POGLUT2: variants seen among roughly 807,000 people sequenced by gnomAD.
POGLUT2 encodes the protein ER protein 58.
A neutral mutation model predicts 57.6 loss-of-function variants in POGLUT2; 47 were observed. That is an observed-to-expected ratio of 0.82 (90% CI 0.65 to 1.04). The LOEUF (loss-of-function observed/expected upper bound fraction) is 1.04, where lower values mean the gene tolerates loss of function less well. Among genes scored for constraint, POGLUT2 ranks in the 50% least tolerant of loss-of-function variants. POGLUT2 has a pLI of 0.00. For missense variants in POGLUT2, 565 were observed against 614.8 expected, an observed-to-expected ratio of 0.92 and a Z score of 0.86; for synonymous variants, 200 against 218.8, an observed-to-expected ratio of 0.91 and a Z score of 0.76.
rs1877847171 is a variant in POGLUT2, at chr13:102,784,281, TC to T, written c.*213del. ...ACGGCTAATAATTAGCACAACGTAG[TC>T]CTTTAAAATAAAGGTGGTTTTATTA... is the stretch of plus-strand genomic sequence containing the variant. On this transcript the variant is annotated 3_prime_UTR_variant, in exon 10 of 10. Coordinates refer to ENST00000376004, the MANE Select transcript of POGLUT2 (RefSeq NM_024089.3). The T allele has an allele frequency of 9.1e-6, 4 of 441,502 alleles. No individual in the cohort carries two copies. In the South Asian group the frequency reaches 1.0e-4, roughly 11 times the overall value. The allele number at this position is 441,502 out of a possible 1,614,324, so 27.3% of individuals were successfully genotyped here. A position where few individuals can be genotyped will look rare whatever the true frequency, so the allele number is the denominator to read the frequency against.
At chr13:102,796,308 A>AAAAAT (rs1555319533) in intron 2 of POGLUT2, among the ~76,000 whole-genome samples, 1 of 132,028 alleles carries the variant, frequency 7.6e-6, no homozygotes, top group Non-Finnish European at 1.6e-5. Context: ...AAAAAAAAAA[A>AAAAAT]AAAATAAATA....
chr13:102,795,435 T>C (rs189416288), intron 2 of POGLUT2, among the ~76,000 whole-genome samples: 1 of 151,920 alleles, frequency 6.6e-6, no homozygotes, highest in Non-Finnish European at 1.5e-5. Flanking sequence ...TGGTGGTGAG[T>C]GCCTGTAGTC....
chr13:102,785,951 G>A (rs911284544), intron 9 of POGLUT2, among the ~76,000 whole-genome samples: 5 of 152,346 alleles, frequency 3.3e-5, no homozygotes, highest in Non-Finnish European at 7.3e-5. Flanking sequence ...CAGACTGTAA[G>A]CATCCATTCA....
chr13:102,793,708 C>A lies in POGLUT2; in HGVS notation c.487G>T (p.Asp163Tyr). ...TCCACAGCAGGGAAATGTGCCAGAT[C>A]TCTCTGAATCTGAGCAATGGTTTCA... ...CPETIAQIQR[D>Y]LAHFPAVDPE... is the part of the protein sequence containing the mutation. The change falls in exon 3 of 10, where the codon GAT (aspartate) becomes TAT (tyrosine). Residue 163 changes from aspartate to tyrosine, a missense_variant. Coordinates refer to ENST00000376004, the MANE Select transcript of POGLUT2 (RefSeq NM_024089.3). 4 of 1,614,086 alleles carry A rather than the reference C, an allele frequency of 2.5e-6. No homozygotes were observed. In the Middle Eastern group the frequency reaches 4.9e-4, roughly 200 times the overall value.
chr13:102,792,374 T>A (rs927041515), intron 4 of POGLUT2, among the ~76,000 whole-genome samples: 1 of 152,216 alleles, frequency 6.6e-6, no homozygotes, highest in Non-Finnish European at 1.5e-5. Context: ...TCCCAAGGAA[T>A]GGGATTCAGT....
intron 6 of POGLUT2, among the ~76,000 whole-genome samples, chr13:102,789,505 G>A (rs1339642059): frequency 1.3e-5 from 2 of 152,200 alleles, no homozygotes; most frequent in Non-Finnish European, 2.9e-5. Flanking sequence ...AGGAAGGATG[G>A]ATTCATTTGT....
Position 102,798,739 on chromosome 13 carries a change from G to A in POGLUT2, c.-69C>T, listed in dbSNP as rs1243743114. ...GTGTAAGAGGTGGACAGAAGCAGCC[G>A]AGCCTTCGGCAGGGACCCGCCGGCC... On this transcript the variant is annotated 5_prime_UTR_variant, in exon 1 of 10. Transcript: ENST00000376004. 1 of 1,427,354 alleles carries A rather than the reference G, an allele frequency of 7.0e-7. No individual in the cohort carries two copies. Among genetic ancestry groups the A allele is most frequent in the Non-Finnish European group, 9.3e-7 (1 of 1,078,878 alleles). The allele number at this position is 1,427,354 out of a possible 1,614,324, so 88.4% of individuals were successfully genotyped here.
Position 102,786,324 on chromosome 13 carries a change from G to C in POGLUT2, c.1399C>G (p.Gln467Glu). Reference sequence around the variant, plus strand: ...TCTCGGATTTGGGGCTCACTCACTTGTAAATTGGCATATTCCTGTTTAAGC... The same window carrying C: ...TCTCGGATTTGGGGCTCACTCACTTCTAAATTGGCATATTCCTGTTTAAGC... ...FKLFQEYANL[Q>E]VSEPQIREGM... Residue 467 changes from glutamine to glutamate, a missense_variant, in exon 9 of 10, where the codon CAA becomes GAA. Gln to Glu is a conservative substitution (Grantham distance 29, BLOSUM62 2). Coordinates refer to ENST00000376004, the MANE Select transcript of POGLUT2 (RefSeq NM_024089.3). 1 of 1,612,100 alleles carries C rather than the reference G, an allele frequency of 6.2e-7. No individual in the cohort carries two copies. Among genetic ancestry groups the C allele is most frequent in the Non-Finnish European group, 8.5e-7 (1 of 1,178,188 alleles).
rs777785246 is a variant in POGLUT2 at position 102,787,830 on chromosome 13, T to A, written c.1383+4A>T. ...ACGTGATGATTTTCTTGGAAAATAC[T>A]GACCTGGAAAAGTTTGAAATAATAA... On this transcript the variant is annotated splice_donor_region_variant and intron_variant, in intron 8 of 9. Transcript: ENST00000376004. The A allele has an allele frequency of 2.0e-6, 3 of 1,514,456 alleles. No homozygotes were observed. In the South Asian group the frequency reaches 3.7e-5, roughly 19 times the overall value. 93.8% of individuals were successfully genotyped at this position (1,514,456 alleles called of 1,614,324 possible).
In POGLUT2 at chr13:102,788,508, C is replaced by T. The variant is rs145064823; in HGVS notation, c.1293+504G>A. ...TGTTGTTTGTTGTTGTTGTTTGAGA[C>T]GGAGTTTTGCTCTTGTTGCCCAGGC... On this transcript the variant is annotated intron_variant, in intron 7 of 9. Coordinates refer to ENST00000376004, the MANE Select transcript of POGLUT2 (RefSeq NM_024089.3). Among the ~76,000 whole-genome samples, 78 of 152,238 alleles carry T rather than the reference C, an allele frequency of 5.1e-4. 1 individual carries two copies. Among genetic ancestry groups the T allele is most frequent in the African/African-American group, 1.8e-3 (75 of 41,554 alleles).
Position 102,798,615 on chromosome 13 carries a change from G to T in POGLUT2, c.56C>A (p.Ala19Asp). ...CFFLATVPAL[A>D]ETGGERQLSP... is the part of the protein sequence containing the mutation. ...CAGCTGCCTTTCTCCGCCGGTCTCG[G>T]CGAGTGCTGGAACTGTCGCCAGAAA... Residue 19 changes from alanine (A) to aspartate (D), a missense_variant, in exon 1 of 10, where the codon GCC (alanine) becomes GAC (aspartate). Ala to Asp is a moderately radical substitution (Grantham distance 126, BLOSUM62 -2). Transcript: ENST00000376004. 9.9e-6 allele frequency: 16 copies of T among 1,613,280 alleles called. No homozygotes were observed. The highest frequency in any genetic ancestry group is 1.4e-5 in the Non-Finnish European group (16 of 1,179,538).
At chr13:102,787,139 C>T (rs987906136) in intron 8 of POGLUT2, among the ~76,000 whole-genome samples, 4 of 151,992 alleles carry the variant, frequency 2.6e-5, no homozygotes, top group African/African-American at 4.8e-5. Context: ...TTCCACCTCC[C>T]GGGTTCAAGT....
intron 1 of POGLUT2, 134 bp downstream of exon 1, chr13:102,798,355 G>T: frequency 1.4e-6 from 1 of 728,598 alleles, no homozygotes. Flanking sequence ...TACAGCTACA[G>T]AGAAAAATGG....
At chr13:102,787,769 A>G (rs1878008232) in intron 8 of POGLUT2, 65 bp downstream of exon 8, 1 of 832,436 alleles carries the variant, frequency 1.2e-6, no homozygotes, top group East Asian at 2.6e-5. Context: ...TGTTAAGTAA[A>G]ATATTATTTG....
Position 102,793,614 on chromosome 13 carries a change from A to C in POGLUT2, c.581T>G (p.Leu194Ter). The C allele has an allele frequency of 4.3e-6, 7 of 1,613,326 alleles. No homozygotes were observed. The highest frequency in any genetic ancestry group is 5.9e-6 in the Non-Finnish European group (7 of 1,179,368). The change falls in exon 3 of 10, where the codon TTA (leucine) becomes TGA (stop). Residue 194 changes from leucine to a stop codon, truncating the protein, a stop_gained. Coordinates refer to ENST00000376004, the MANE Select transcript of POGLUT2 (RefSeq NM_024089.3). LOFTEE classifies it high-confidence loss of function. ...CATGTGTTGTACCTTGTTATCCTTT[A>C]AGGTGTAGTGACATAGGCTCTGCCT... ...GQRQSLCHYT[L>*]KDNKVYIKTH...
intron 8 of POGLUT2, among the ~76,000 whole-genome samples, 157 bp downstream of exon 8, chr13:102,787,677 T>G (rs1358530185): frequency 2.0e-5 from 3 of 152,250 alleles, no homozygotes; most frequent in African/African-American, 7.2e-5. Context: ...TCAACTATTT[T>G]TTTATGATTA....
In POGLUT2 at chr13:102,784,454, T is replaced by A. The variant is rs377125571; in HGVS notation, c.*41A>T. 3 of 1,296,452 alleles carry A rather than the reference T, an allele frequency of 2.3e-6. No individual in the cohort carries two copies. Among genetic ancestry groups the A allele is most frequent in the Middle Eastern group, 3.9e-4 (2 of 5,088 alleles). The allele number at this position is 1,296,452 out of a possible 1,614,324, so 80.3% of individuals were successfully genotyped here. A position where few individuals can be genotyped will look rare whatever the true frequency, so the allele number is the denominator to read the frequency against. ...AATTCTTCTTTTTAGTTAAGAAGAG[T>A]CTTCAGAGCACCATTATTCTAATAG... On this transcript the variant is annotated 3_prime_UTR_variant, in exon 10 of 10. Coordinates refer to ENST00000376004, the MANE Select transcript of POGLUT2 (RefSeq NM_024089.3).
At chr13:102,795,300 C>T (rs1027717144) in intron 2 of POGLUT2, among the ~76,000 whole-genome samples, 11 of 148,420 alleles carry the variant, frequency 7.4e-5, no homozygotes, top group African/African-American at 1.5e-4. Flanking sequence ...CAGTGGCTCA[C>T]GCCTGTAATC....
Position 102,791,130 on chromosome 13 carries a change from A to C in POGLUT2, c.854T>G (p.Leu285Arg), listed in dbSNP as rs1163117695. 5.0e-6 allele frequency: 8 copies of C among 1,613,976 alleles called. No individual in the cohort carries two copies. The highest frequency in any genetic ancestry group is 1.1e-5 in the South Asian group (1 of 91,086). ...GTTAGCTTGCACGGACATCATATCCAGACTTACCCTAGAAGACAAAGTGCA... is the reference window on the plus strand; with the variant it reads ...GTTAGCTTGCACGGACATCATATCCCGACTTACCCTAGAAGACAAAGTGCA... ...SVLETMGRVSLDMMSVQANTG... is the reference protein window; with the variant it reads ...SVLETMGRVSRDMMSVQANTG... Residue 285 changes from leucine to arginine, a missense_variant, in exon 6 of 10, where the codon CTG (leucine) becomes CGG (arginine). Leu to Arg is a moderately radical substitution (Grantham distance 102). Transcript: ENST00000376004.
Sources: gnomAD v4.1 joint callset for allele counts (sites outside exome capture counted in the v4.1 genomes callset) on GRCh38, gnomAD v4.1.1 for gene constraint, MANE v1.5 for transcripts, NCBI Gene and HGNC (gene_info 2026-07-23, HGNC 2026-07-21) for gene names.